The following SLC6A3 variants were observed in gnomAD, a reference collection of about 807,000 sequenced individuals.
SLC6A3 encodes the protein solute carrier family 6 member 3.
In SLC6A3, 19 loss-of-function variants were observed where a neutral mutation model predicts 70.4. The ratio of observed to expected loss-of-function variants is 0.27; its 90% CI spans 0.19 to 0.40. SLC6A3 has a LOEUF of 0.40. Among genes scored for constraint, SLC6A3 ranks in the 10% least tolerant of loss-of-function variants. SLC6A3 has a pLI of 1.00. For synonymous variants in SLC6A3, 368 were observed against 356.6 expected (o/e 1.03, Z -0.36); for missense variants, 613 against 838.5 (o/e 0.73, Z 3.32).
chr5:1,414,735 A>T lies in SLC6A3; in HGVS notation c.1112T>A (p.Met371Lys). The T allele has an allele frequency of 6.2e-7, 1 of 1,612,764 alleles. No homozygotes were observed. Among genetic ancestry groups the T allele is most frequent in the Non-Finnish European group, 8.5e-7 (1 of 1,179,864 alleles). Residue 371 changes from methionine (M) to lysine (K), a missense_variant, in exon 8 of 15, where the codon ATG becomes AAG. Coordinates refer to ENST00000270349, the MANE Select transcript of SLC6A3 (RefSeq NM_001044.5). ...GFVVFSFLGY[M>K]AQKHSVPIGD... ...GATGGGCACACTGTGCTTCTGTGCC[A>T]TGTACCCCAGGAAGGAGAAGACGAC...
rs1286261735 is a variant in SLC6A3 at position 1,436,082 on chromosome 5, C to T, written c.419-3384G>A. 6.6e-6 allele frequency among the ~76,000 whole-genome samples: 1 copy of T among 151,614 alleles called. No homozygotes were observed. The highest frequency in any genetic ancestry group is 1.9e-4 in the East Asian group (1 of 5,140). On this transcript the variant is annotated intron_variant, in intron 3 of 14. Coordinates refer to ENST00000270349, the MANE Select transcript of SLC6A3 (RefSeq NM_001044.5). The surrounding 1 kb of genome is among the most constrained non-coding windows in gnomAD (Gnocchi z 5.2). ...TGGCCAGTCCCCTCCTGGATGCTTC[C>T]CTGGGCACCTGGGTGAGGAAATGGC...
At chr5:1,423,941 G>A (rs1397360139) in intron 4 of SLC6A3, among the ~76,000 whole-genome samples, 1 of 152,218 alleles carries the variant, frequency 6.6e-6, no homozygotes, top group African/African-American at 2.4e-5. Context: ...CCATGGTGGA[G>A]CCCGGCCGAA....
intron 1 of SLC6A3, among the ~76,000 whole-genome samples, chr5:1,444,650 G>A (rs918759493): frequency 6.6e-6 from 1 of 152,246 alleles, no homozygotes; most frequent in South Asian, 2.1e-4. Context: ...TCCGCGGCGC[G>A]AGCAGGAGGC....
chr5:1,413,643 G>A lies in SLC6A3; in HGVS notation c.1156+1048C>T, dbSNP rs1014552197. 3.3e-5 allele frequency among the ~76,000 whole-genome samples: 5 copies of A among 152,138 alleles called. No homozygotes were observed. Among genetic ancestry groups the A allele is most frequent in the Non-Finnish European group, 7.4e-5 (5 of 68,020 alleles). On this transcript the variant is annotated intron_variant, in intron 8 of 14. Coordinates refer to ENST00000270349, the MANE Select transcript of SLC6A3 (RefSeq NM_001044.5). The surrounding 1 kb of genome is among the most constrained non-coding windows in gnomAD (Gnocchi z 7.1). ...GTCCAGAGGAAGCAAGGATGGGGACGCAGCATGGGAGCCCACCCAACCCAG... is the reference window on the plus strand; with the variant it reads ...GTCCAGAGGAAGCAAGGATGGGGACACAGCATGGGAGCCCACCCAACCCAG...
intron 4 of SLC6A3, among the ~76,000 whole-genome samples, chr5:1,430,399 C>T (rs982062980): frequency 6.6e-6 from 1 of 152,226 alleles, no homozygotes; most frequent in Non-Finnish European, 1.5e-5. Flanking sequence ...TCCTCACCTC[C>T]AAGGCCAGTC....
chr5:1,438,667 C>G lies in SLC6A3; in HGVS notation c.418+2692G>C, dbSNP rs1363040524. 6.6e-6 allele frequency among the ~76,000 whole-genome samples: 1 copy of G among 152,180 alleles called. No individual in the cohort carries two copies. Among genetic ancestry groups the G allele is most frequent in the East Asian group, 1.9e-4 (1 of 5,198 alleles). On this transcript the variant is annotated intron_variant, in intron 3 of 14. Transcript: ENST00000270349. The surrounding 1 kb of genome is among the most constrained non-coding windows in gnomAD (Gnocchi z 6.5). ...TGCGGACCTACAGGTCCCTTTTTCT[C>G]CTGCCCTCCTCACCTGAATCCTGCA...
rs1323333823 is a variant in SLC6A3, at chr5:1,404,510, A to G, written c.1600-1421T>C. 6.6e-6 allele frequency among the ~76,000 whole-genome samples: 1 copy of G among 152,350 alleles called. No individual in the cohort carries two copies. The highest frequency in any genetic ancestry group is 1.9e-4 in the East Asian group (1 of 5,190). ...TGCCTCCCCAGGCCACAGTCTGCCC[A>G]TGTAAGTTGCCTTTGCTCCGGCATA... is the stretch of plus-strand genomic sequence containing the variant. On this transcript the variant is annotated intron_variant, in intron 12 of 14. Transcript: ENST00000270349. This position sits in a 1 kb window ranked among gnomAD's most constrained non-coding sequence, Gnocchi z 5.2.
chr5:1,394,625 G>A lies in SLC6A3; in HGVS notation c.*110C>T. On this transcript the variant is annotated 3_prime_UTR_variant, in exon 15 of 15. Transcript: ENST00000270349. This position sits in a 1 kb window ranked among gnomAD's most constrained non-coding sequence, Gnocchi z 4.7. ...CTTTGTTGTTTGTGTTTTCAGTAGA[G>A]GTTGAAGAGTAGAAGTTGCCCTCCT... 1 of 1,031,054 alleles carries A rather than the reference G, an allele frequency of 9.7e-7. No individual in the cohort carries two copies. The highest frequency in any genetic ancestry group is 1.5e-6 in the Non-Finnish European group (1 of 648,652). 63.9% of individuals were successfully genotyped at this position (1,031,054 alleles called of 1,614,324 possible). A position where few individuals can be genotyped will look rare whatever the true frequency, so the allele number is the denominator to read the frequency against.
chr5:1,444,918 AAC>A (rs1480656718), intron 1 of SLC6A3, among the ~76,000 whole-genome samples: 1 of 150,158 alleles, frequency 6.7e-6, no homozygotes, highest in Non-Finnish European at 1.5e-5. Context: ...CACCACCCCC[AAC>A]ACAGACAAAG....
chr5:1,432,936 C>T (rs1172684963), intron 3 of SLC6A3, among the ~76,000 whole-genome samples: 2 of 152,086 alleles, frequency 1.3e-5, no homozygotes, highest in Admixed American at 6.5e-5. Flanking sequence ...CCATGCACTC[C>T]TACACAAGGA....
At chr5:1,433,479 G>A (rs545771650) in intron 3 of SLC6A3, among the ~76,000 whole-genome samples, 1 of 152,196 alleles carries the variant, frequency 6.6e-6, no homozygotes, top group South Asian at 2.1e-4. Flanking sequence ...GGCCATCCAT[G>A]GCCATCCACA....
intron 14 of SLC6A3, among the ~76,000 whole-genome samples, chr5:1,395,088 C>T (rs1199537724): frequency 1.3e-5 from 2 of 152,212 alleles, no homozygotes; most frequent in Non-Finnish European, 2.9e-5. Context: ...ACCCTCAGTC[C>T]GGGGCTGGTT....
intron 14 of SLC6A3, among the ~76,000 whole-genome samples, chr5:1,395,383 G>C (rs1408805909): frequency 6.6e-6 from 1 of 152,262 alleles, no homozygotes; most frequent in Non-Finnish European, 1.5e-5. Context: ...CCCCTCGATA[G>C]CACTAAATGG....
Position 1,423,037 on chromosome 5 carries a change from A to G in SLC6A3, c.654-1023T>C, listed in dbSNP as rs624466. 1.8e-3 allele frequency among the ~76,000 whole-genome samples: 51 copies of G among 27,676 alleles called. 2 individuals carry two copies. The highest frequency in any genetic ancestry group is 3.8e-3 in the Admixed American group (8 of 2,108). The allele number at this position is 27,676 out of a possible 152,430, so 18.2% of individuals were successfully genotyped here. On this transcript the variant is annotated intron_variant, in intron 4 of 14. Transcript: ENST00000270349. The stretch of plus-strand genomic sequence containing the variant: ...CTGCCCAAGGTGCTGGGTACCCACC[A>G]CTGCCCACAGTACTGCCCAAGGTGC...
intron 6 of SLC6A3, among the ~76,000 whole-genome samples, chr5:1,418,143 T>G (rs1010909010): frequency 6.6e-6 from 1 of 152,130 alleles, no homozygotes; most frequent in Non-Finnish European, 1.5e-5. Flanking sequence ...CCCATGCTGG[T>G]CATCAGCCAC....
intron 9 of SLC6A3, among the ~76,000 whole-genome samples, chr5:1,410,115 G>C (rs533774404): frequency 3.2e-4 from 48 of 152,310 alleles, no homozygotes; most frequent in Admixed American, 1.2e-3. Flanking sequence ...TCTCTGGGTG[G>C]GTAAGATGCG....
In SLC6A3 at chr5:1,437,356, C is replaced by A. The variant is rs114431225; in HGVS notation, c.418+4003G>T. ...TGTGCTTGCTGTGTGTGCATGTACC[C>A]GAGAGACAGAGAGGAGAAGAGACAG... is the stretch of plus-strand genomic sequence containing the variant. On this transcript the variant is annotated intron_variant, in intron 3 of 14. Transcript: ENST00000270349. This position sits in a 1 kb window ranked among gnomAD's most constrained non-coding sequence, Gnocchi z 4.8. Among the ~76,000 whole-genome samples the A allele has an allele frequency of 8.2e-3, 1,245 of 151,014 alleles. 16 individuals are homozygous for A. The highest frequency in any genetic ancestry group is 0.029 in the African/African-American group (1,184 of 41,074).
At chr5:1,423,847 G>A (rs1340165821) in intron 4 of SLC6A3, among the ~76,000 whole-genome samples, 3 of 152,242 alleles carry the variant, frequency 2.0e-5, no homozygotes, top group Admixed American at 2.0e-4. Context: ...ACAGACAGAA[G>A]CCGCGTTATG....
rs772152046 is a variant in SLC6A3 at position 1,404,316 on chromosome 5, CA to C, written c.1600-1228del. Among the ~76,000 whole-genome samples, 1 of 152,234 alleles carries C rather than the reference CA, an allele frequency of 6.6e-6. No individual in the cohort carries two copies. Among genetic ancestry groups the C allele is most frequent in the African/African-American group, 2.4e-5 (1 of 41,458 alleles). Reference sequence around the variant, plus strand: ...GCCAGTGGCCTGCAGCATCTGGGATCAGGGGCGGCTGCCTTGGCTGCACAGA... The same window carrying C: ...GCCAGTGGCCTGCAGCATCTGGGATCGGGGCGGCTGCCTTGGCTGCACAGA... On this transcript the variant is annotated intron_variant, in intron 12 of 14. Transcript: ENST00000270349. The surrounding 1 kb of genome is among the most constrained non-coding windows in gnomAD (Gnocchi z 5.2).
Sources: allele counts gnomAD v4.1 joint callset (sites outside exome capture counted in the v4.1 genomes callset), GRCh38; gene constraint gnomAD v4.1.1; non-coding constraint Gnocchi (gnomAD v3.1); transcripts MANE v1.5; gene names NCBI Gene and HGNC (gene_info 2026-07-23, HGNC 2026-07-21).